The following MIPOL1 variants were observed in gnomAD, a reference collection of about 807,000 sequenced individuals.
MIPOL1 encodes the protein mirror-image polydactyly gene 1 protein.
In MIPOL1, 57 loss-of-function variants were observed where a neutral mutation model predicts 60.9. The ratio of observed to expected loss-of-function variants is 0.94; its 90% CI spans 0.76 to 1.17. The LOEUF is 1.17. MIPOL1 is among the 50% of genes most tolerant of loss of function. MIPOL1 has a pLI of 0.00. For synonymous variants in MIPOL1, 179 were observed against 168.8 expected (o/e 1.06, Z -0.47); for missense variants, 551 against 511.6 (o/e 1.08, Z -0.74).
At chr14:37,366,697 T>C (rs567455931) in intron 9 of MIPOL1, among the ~76,000 whole-genome samples, 3 of 152,186 alleles carry the variant, frequency 2.0e-5, no homozygotes, top group African/African-American at 7.2e-5. Context: ...GTCCGAAGTT[T>C]CTTTGTTGAT....
chr14:37,465,284 T>A (rs906140227), intron 11 of MIPOL1, among the ~76,000 whole-genome samples: 3 of 152,188 alleles, frequency 2.0e-5, no homozygotes, highest in Non-Finnish European at 2.9e-5. Flanking sequence ...AATACTGAAA[T>A]AATCTTTAGA....
intron 7 of MIPOL1, among the ~76,000 whole-genome samples, chr14:37,302,301 C>CATTCT (rs1848255741): frequency 1.6e-5 from 2 of 125,112 alleles, no homozygotes; most frequent in African/African-American, 5.9e-5. Flanking sequence ...GGATGTTAGA[C>CATTCT]ATTCTAACAG....
intron 11 of MIPOL1, among the ~76,000 whole-genome samples, chr14:37,480,801 G>A (rs2094851311): frequency 1.3e-5 from 2 of 152,018 alleles, no homozygotes; most frequent in Admixed American, 1.3e-4. Flanking sequence ...CATAAACCCT[G>A]AAGACTCCAC....
intron 11 of MIPOL1, among the ~76,000 whole-genome samples, chr14:37,455,177 G>C (rs1383908791): frequency 1.3e-5 from 2 of 152,086 alleles, no homozygotes; most frequent in Non-Finnish European, 2.9e-5. Flanking sequence ...TTTTAAAACT[G>C]CTCTTTCTTC....
intron 10 of MIPOL1, chr14:37,400,641 GAGA>G (rs935220220): frequency 1.2e-4 from 18 of 152,070 alleles, no homozygotes; most frequent in Non-Finnish European, 2.4e-4. Context: ...ATGAATAATA[GAGA>G]AGAAGCAATG....
chr14:37,295,711 C>T (rs2085587402), intron 7 of MIPOL1, among the ~76,000 whole-genome samples: 1 of 152,108 alleles, frequency 6.6e-6, no homozygotes, highest in African/African-American at 2.4e-5. Flanking sequence ...CAAAGAAGGC[C>T]ATTGCATAAT....
intron 11 of MIPOL1, among the ~76,000 whole-genome samples, chr14:37,450,501 C>T (rs1376727947): frequency 6.6e-6 from 1 of 152,084 alleles, no homozygotes; most frequent in Admixed American, 6.6e-5. Context: ...GACGTTTTCT[C>T]ATGGAAGATA....
intron 11 of MIPOL1, among the ~76,000 whole-genome samples, chr14:37,498,216 T>C (rs1413234157): frequency 3.3e-5 from 5 of 152,104 alleles, no homozygotes; most frequent in African/African-American, 1.2e-4. Flanking sequence ...GAGGGAACAC[T>C]GGGGGGTCTT....
At chr14:37,494,250 T>C (rs2095085753) in intron 11 of MIPOL1, among the ~76,000 whole-genome samples, 1 of 152,154 alleles carries the variant, frequency 6.6e-6, no homozygotes, top group Non-Finnish European at 1.5e-5. Context: ...AGTATTAATA[T>C]GTTAGAATTG....
chr14:37,474,624 C>G (rs1382820710), intron 11 of MIPOL1, among the ~76,000 whole-genome samples: 4 of 152,110 alleles, frequency 2.6e-5, no homozygotes, highest in African/African-American at 9.7e-5. Context: ...ATAAATTACC[C>G]AGTCTCAGGT....
intron 1 of MIPOL1, among the ~76,000 whole-genome samples, chr14:37,238,162 A>G (rs1438567674): frequency 6.6e-6 from 1 of 152,212 alleles, no homozygotes; most frequent in Non-Finnish European, 1.5e-5. Context: ...GAATTTTACA[A>G]GAAAGTAAAT....
At chr14:37,218,049 A>G (rs1968055059) in intron 1 of MIPOL1, among the ~76,000 whole-genome samples, 1 of 152,106 alleles carries the variant, frequency 6.6e-6, no homozygotes, top group Non-Finnish European at 1.5e-5. Context: ...CCTTTTTAGA[A>G]CGATGGGTTA....
chr14:37,355,454 G>A (rs984954512), intron 9 of MIPOL1, among the ~76,000 whole-genome samples: 5 of 150,906 alleles, frequency 3.3e-5, no homozygotes, highest in African/African-American at 9.8e-5. Flanking sequence ...ACGTTGGCCT[G>A]CCTTGCTAGA....
intron 11 of MIPOL1, among the ~76,000 whole-genome samples, chr14:37,428,688 T>A (rs1312972655): frequency 1.4e-5 from 2 of 147,716 alleles, no homozygotes. Context: ...TCTGGTTTAG[T>A]GTAAGAGCTA....
At chr14:37,498,066 T>A (rs950134828) in intron 11 of MIPOL1, among the ~76,000 whole-genome samples, 5 of 152,152 alleles carry the variant, frequency 3.3e-5, no homozygotes, top group Non-Finnish European at 7.3e-5. Flanking sequence ...TAAAAAGCAA[T>A]GAATTATATG....
At chr14:37,369,395 G>T in intron 9 of MIPOL1, 122 bp from the exon 10 acceptor site, 5 of 385,954 alleles carry the variant, frequency 1.3e-5, no homozygotes, top group South Asian at 4.0e-5. Flanking sequence ...TACCATTCTT[G>T]TTGCAAAAAA....
chr14:37,272,300 A>G (rs1390684724), intron 6 of MIPOL1, among the ~76,000 whole-genome samples: 3 of 151,648 alleles, frequency 2.0e-5, no homozygotes, highest in Non-Finnish European at 3.0e-5. Context: ...TTTTCAAAGT[A>G]TATCTTTCCT....
intron 7 of MIPOL1, among the ~76,000 whole-genome samples, chr14:37,298,350 A>C (rs940542144): frequency 6.6e-6 from 1 of 152,182 alleles, no homozygotes; most frequent in Non-Finnish European, 1.5e-5. Context: ...TAAAAACCCT[A>C]CAAGAAAACC....
At chr14:37,254,577 A>G (rs530377973) in intron 3 of MIPOL1, among the ~76,000 whole-genome samples, 18 of 151,946 alleles carry the variant, frequency 1.2e-4, no homozygotes, top group African/African-American at 3.6e-4. Flanking sequence ...GTCTCTGCCT[A>G]TTCTCTACCA....
Sources: gnomAD v4.1 joint callset for allele counts (sites outside exome capture counted in the v4.1 genomes callset) on GRCh38, gnomAD v4.1.1 for gene constraint, MANE v1.5 for transcripts, NCBI Gene and HGNC (gene_info 2026-07-23, HGNC 2026-07-21) for gene names.